Variants in DDA1 observed in about 807,000 individuals in gnomAD.
DDA1 encodes DET1 and DDB1 associated 1.
DDA1 carries 3 observed loss-of-function variants against 18.6 expected under a neutral mutation model. That is an observed-to-expected ratio of 0.16 (90% CI 0.07 to 0.42). DDA1 has a LOEUF of 0.42. DDA1 is among the 10% of genes least tolerant of loss of function. The probability of loss-of-function intolerance (pLI) is 0.99; values close to 1 mark genes in which losing one functional copy is unlikely to be tolerated. For missense variants in DDA1, 105 were observed against 138.2 expected, an observed-to-expected ratio of 0.76 and a Z score of 1.20; for synonymous variants, 52 against 54.0, an observed-to-expected ratio of 0.96 and a Z score of 0.17.
At chr19:17,311,165 T>G (rs2074176952) in intron 1 of DDA1, among the ~76,000 whole-genome samples, 3 of 136,694 alleles carry the variant, frequency 2.2e-5, no homozygotes, top group Admixed American at 1.5e-4. Flanking sequence ...AGAAGGAGGT[T>G]GTTTTTTTTT....
intron 1 of DDA1, among the ~76,000 whole-genome samples, chr19:17,309,972 C>G (rs1013716711): frequency 1.3e-5 from 2 of 152,102 alleles, no homozygotes; most frequent in Non-Finnish European, 2.9e-5. Flanking sequence ...ACCCCCTGGT[C>G]TGGCCTCGTT....
At position 17,314,879 on chromosome 19, in the gene DDA1, G is replaced by A. The variant is rs1167195595; in HGVS notation, c.136+490G>A. ...AGCCTGGGTGGCAGTGATGGGAAGGGGGTCCAGGCAAAGGGGCCCACAGCA... is the reference window on the plus strand; with the variant it reads ...AGCCTGGGTGGCAGTGATGGGAAGGAGGTCCAGGCAAAGGGGCCCACAGCA... On this transcript the variant is annotated intron_variant, in intron 3 of 4. Coordinates refer to ENST00000359866, the MANE Select transcript of DDA1 (RefSeq NM_024050.6). This position sits in a 1 kb window ranked among gnomAD's most constrained non-coding sequence, Gnocchi z 4.6. 6.0e-6 allele frequency: 1 copy of A among 165,554 alleles called. No individual in the cohort carries two copies. Among genetic ancestry groups the A allele is most frequent in the African/African-American group, 2.4e-5 (1 of 41,520 alleles). The allele number at this position is 165,554 out of a possible 1,614,324, so 10.3% of individuals were successfully genotyped here.
Position 17,314,316 on chromosome 19 carries a change from C to T in DDA1, c.85-22C>T. ...CAGGCCCATGCACTCTCCTAACCCA[C>T]CCCTTCTCAACCCTCCTGCAGAACC... On this transcript the variant is annotated intron_variant, in intron 2 of 4. Coordinates refer to ENST00000359866, the MANE Select transcript of DDA1 (RefSeq NM_024050.6). The surrounding 1 kb of genome is among the most constrained non-coding windows in gnomAD (Gnocchi z 4.6). The T allele has an allele frequency of 6.2e-7, 1 of 1,614,218 alleles. No individual in the cohort carries two copies. Among genetic ancestry groups the T allele is most frequent in the Middle Eastern group, 1.6e-4 (1 of 6,062 alleles).
chr19:17,317,917 C>T (rs1833700672), intron 4 of DDA1, among the ~76,000 whole-genome samples: 1 of 151,632 alleles, frequency 6.6e-6, no homozygotes, highest in Non-Finnish European at 1.5e-5. Flanking sequence ...CAGCTCCCTT[C>T]CCAGAGGCTG....
rs764640922 is a variant in DDA1, at chr19:17,314,305, C to T, written c.85-33C>T. ...TGAGGAGACCCCAGGCCCATGCACT[C>T]TCCTAACCCACCCCTTCTCAACCCT... On this transcript the variant is annotated intron_variant, in intron 2 of 4. Coordinates refer to ENST00000359866, the MANE Select transcript of DDA1 (RefSeq NM_024050.6). The surrounding 1 kb of genome is among the most constrained non-coding windows in gnomAD (Gnocchi z 4.6). 6.2e-7 allele frequency: 1 copy of T among 1,614,098 alleles called. No individual in the cohort carries two copies. Among genetic ancestry groups the T allele is most frequent in the South Asian group, 1.1e-5 (1 of 91,072 alleles).
intron 1 of DDA1, among the ~76,000 whole-genome samples, chr19:17,311,013 A>G (rs960311118): frequency 6.6e-6 from 1 of 151,972 alleles, no homozygotes; most frequent in Non-Finnish European, 1.5e-5. Context: ...AGATCCCCAC[A>G]CCAGGCTCAT....
At chr19:17,316,142 G>T (rs1394781765) in intron 4 of DDA1, 147 bp downstream of exon 4, 6 of 899,332 alleles carry the variant, frequency 6.7e-6, no homozygotes, top group Non-Finnish European at 8.9e-6. Context: ...CCAGGAGAGG[G>T]AAGAGCGTTC....
rs2074210995 is a variant in DDA1 at position 17,315,956 on chromosome 19, C to T, written c.159C>T (p.Asn53=). 2.5e-6 allele frequency: 4 copies of T among 1,614,046 alleles called. No individual in the cohort carries two copies. In the African/African-American group the frequency reaches 5.3e-5, roughly 22 times the overall value. The part of the protein sequence containing the change: ...SEQIIVTEKT[N]ILLRYLHQQW... ...TAGTCATCGTGACAGAAAAGACAAA[C>T]ATCCTCCTGCGCTACCTGCATCAGC... is the stretch of plus-strand genomic sequence containing the variant. Residue 53 remains asparagine (N), a synonymous_variant, in exon 4 of 5, where the codon AAC becomes AAT. Coordinates refer to ENST00000359866, the MANE Select transcript of DDA1 (RefSeq NM_024050.6).
chr19:17,315,311 T>C lies in DDA1; in HGVS notation c.137-623T>C, dbSNP rs56268865. ...CTATATATATACACACGTGTATATA[T>C]ATACACGCTATATATATACACACGT... On this transcript the variant is annotated intron_variant, in intron 3 of 4. Coordinates refer to ENST00000359866, the MANE Select transcript of DDA1 (RefSeq NM_024050.6). 3.8e-3 allele frequency among the ~76,000 whole-genome samples: 159 copies of C among 42,282 alleles called. 55 individuals are homozygous for C. The highest frequency in any genetic ancestry group is 5.5e-3 in the Non-Finnish European group (117 of 21,346). 27.7% of individuals were successfully genotyped at this position (42,282 alleles called of 152,430 possible). A position where few individuals can be genotyped will look rare whatever the true frequency, so the allele number is the denominator to read the frequency against.
At chr19:17,315,196 T>C (rs1477514388) in intron 3 of DDA1, among the ~76,000 whole-genome samples, 3 of 20,962 alleles carry the variant, frequency 1.4e-4, no homozygotes, top group Admixed American at 2.8e-4. Flanking sequence ...TACACACACG[T>C]GTATACACAC....
At chr19:17,318,668 TC>T (rs1442745281) in intron 4 of DDA1, among the ~76,000 whole-genome samples, 1 of 146,230 alleles carries the variant, frequency 6.8e-6, no homozygotes, top group Non-Finnish European at 1.5e-5. Flanking sequence ...CGCCTGGCCT[TC>T]TTTTTTTTTT....
chr19:17,314,246 A>G lies in DDA1; in HGVS notation c.85-92A>G, dbSNP rs889245944. ...CATCCACATACTTGAGTGTCTTCCAATCTGCACTGAAGGGTGGGTGCTGAG... is the reference window on the plus strand; with the variant it reads ...CATCCACATACTTGAGTGTCTTCCAGTCTGCACTGAAGGGTGGGTGCTGAG... On this transcript the variant is annotated intron_variant, in intron 2 of 4. Transcript: ENST00000359866. This position sits in a 1 kb window ranked among gnomAD's most constrained non-coding sequence, Gnocchi z 4.6. The G allele has an allele frequency of 3.8e-6, 6 of 1,571,186 alleles. No individual in the cohort carries two copies. The highest frequency in any genetic ancestry group is 2.2e-5 in the East Asian group (1 of 44,594).
At position 17,315,209 on chromosome 19, in the gene DDA1, GTA is replaced by G. The variant is rs1338273272; in HGVS notation, c.137-720_137-719del. Among the ~76,000 whole-genome samples, 49 of 20,532 alleles carry G rather than the reference GTA, an allele frequency of 2.4e-3. 17 individuals carry two copies. The highest frequency in any genetic ancestry group is 7.0e-3 in the Admixed American group (23 of 3,306). 13.5% of individuals were successfully genotyped at this position (20,532 alleles called of 152,430 possible). A position where few individuals can be genotyped will look rare whatever the true frequency, so the allele number is the denominator to read the frequency against. On this transcript the variant is annotated intron_variant, in intron 3 of 4. Transcript: ENST00000359866. The stretch of plus-strand genomic sequence containing the variant: ...TATACACACACGTGTATACACACGT[GTA>G]TATACACACACGTGTATACACACAC...
At chr19:17,317,378 G>A (rs2074218844) in intron 4 of DDA1, among the ~76,000 whole-genome samples, 1 of 151,820 alleles carries the variant, frequency 6.6e-6, no homozygotes, top group African/African-American at 2.4e-5. Context: ...GTAGCTGGGT[G>A]TGGCGGCGGG....
intron 4 of DDA1, among the ~76,000 whole-genome samples, chr19:17,316,670 C>T (rs2074214701): frequency 6.6e-6 from 1 of 150,754 alleles, no homozygotes; most frequent in African/African-American, 2.4e-5. Flanking sequence ...GTCAGGAGAT[C>T]GAGACCATCC....
At chr19:17,311,713 C>T (rs892433926) in intron 1 of DDA1, among the ~76,000 whole-genome samples, 4 of 152,214 alleles carry the variant, frequency 2.6e-5, no homozygotes, top group African/African-American at 7.2e-5. Context: ...CTCCTGTGAT[C>T]GAGGTCATTC....
rs542903131 is a variant in DDA1 at position 17,314,171 on chromosome 19, C to T, written c.84+68C>T. 6.9e-5 allele frequency: 109 copies of T among 1,582,782 alleles called. No homozygotes were observed. The highest frequency in any genetic ancestry group is 8.3e-5 in the Non-Finnish European group (96 of 1,152,992). Reference sequence around the variant, plus strand: ...AGGGGGCCTGGGGGCAGCTTGTGTCCCCCGATTGGGGTCTTGGCTGGAACA... The same window carrying T: ...AGGGGGCCTGGGGGCAGCTTGTGTCTCCCGATTGGGGTCTTGGCTGGAACA... On this transcript the variant is annotated intron_variant, in intron 2 of 4. Coordinates refer to ENST00000359866, the MANE Select transcript of DDA1 (RefSeq NM_024050.6). The surrounding 1 kb of genome is among the most constrained non-coding windows in gnomAD (Gnocchi z 4.6).
intron 3 of DDA1, among the ~76,000 whole-genome samples, chr19:17,315,430 A>ATGTGTGTGTGTGTGTGTGTG: frequency 2.4e-5 from 1 of 40,946 alleles, no homozygotes; most frequent in South Asian, 6.9e-4. Context: ...GTGTGTGTGC[A>ATGTGTGTGTGTGTGTGTGTG]TATATATATA....
rs59605281 is a variant in DDA1 at position 17,321,134 on chromosome 19, AT to A, written c.*1493del. On this transcript the variant is annotated 3_prime_UTR_variant, in exon 5 of 5. Coordinates refer to ENST00000359866, the MANE Select transcript of DDA1 (RefSeq NM_024050.6). Reference sequence around the variant, plus strand: ...AGGCACCCACCACCATGCCTGGCTAATTTTTTTTTTTTTTTGAGATGGAGTC... The same window carrying A: ...AGGCACCCACCACCATGCCTGGCTAATTTTTTTTTTTTTTGAGATGGAGTC... The A allele has an allele frequency of 0.013, 1,757 of 132,662 alleles. 20 individuals are homozygous for A. The highest frequency in any genetic ancestry group is 0.039 in the African/African-American group (1,376 of 35,598). 8.2% of individuals were successfully genotyped at this position (132,662 alleles called of 1,614,324 possible).
Sources: allele counts gnomAD v4.1 joint callset (sites outside exome capture counted in the v4.1 genomes callset), GRCh38; gene constraint gnomAD v4.1.1; non-coding constraint Gnocchi (gnomAD v3.1); transcripts MANE v1.5; gene names NCBI Gene and HGNC (gene_info 2026-07-23, HGNC 2026-07-21).